ASTN2: variants seen among roughly 807,000 people sequenced by gnomAD.
The protein encoded by ASTN2 is astrotactin 2, also known as astrotactin-2.
Under a neutral mutation model 139.8 loss-of-function variants are expected in ASTN2, and 54 were observed. The observed-to-expected ratio is 0.39, with a 90% CI of 0.31 to 0.48. The LOEUF is 0.48. ASTN2 is among the 20% of genes least tolerant of loss of function. The pLI, the probability that ASTN2 is intolerant of heterozygous loss-of-function variation, is 0.95. For synonymous variants in ASTN2, 756 were observed against 719.5 expected (o/e 1.05, Z -0.81); for missense variants, 1,565 against 1,725.1 (o/e 0.91, Z 1.64).
intron 17 of ASTN2, among the ~76,000 whole-genome samples, chr9:116,632,209 G>GAAAGA: frequency 1.6e-5 from 1 of 61,878 alleles, no homozygotes; most frequent in Non-Finnish European, 3.2e-5. Context: ...AGAAAGAAAA[G>GAAAGA]AAAGAAAGAA....
intron 17 of ASTN2, among the ~76,000 whole-genome samples, chr9:116,623,437 C>A (rs886698425): frequency 6.6e-6 from 1 of 152,134 alleles, no homozygotes; most frequent in African/African-American, 2.4e-5. Context: ...CAGCATCAAA[C>A]AGGGAGTCCT....
At chr9:116,466,037 C>T (rs1404960335) in intron 20 of ASTN2, among the ~76,000 whole-genome samples, 1 of 152,148 alleles carries the variant, frequency 6.6e-6, no homozygotes. Context: ...TTATACTTTG[C>T]AAAGCGTATT....
chr9:117,245,916 C>T (rs998037997), intron 2 of ASTN2, among the ~76,000 whole-genome samples: 6 of 152,082 alleles, frequency 3.9e-5, no homozygotes, highest in Non-Finnish European at 8.8e-5. Context: ...ACATAGAATC[C>T]TGTGTTTCAT....
chr9:116,842,944 AC>A (rs1832307933), intron 11 of ASTN2, among the ~76,000 whole-genome samples: 1 of 152,016 alleles, frequency 6.6e-6, no homozygotes, highest in Admixed American at 6.5e-5. Context: ...GGATCTGGAA[AC>A]CACTTAGGCA....
At chr9:116,629,452 G>A (rs1260648254) in intron 17 of ASTN2, among the ~76,000 whole-genome samples, 2 of 152,030 alleles carry the variant, frequency 1.3e-5, no homozygotes, top group Non-Finnish European at 1.5e-5. Flanking sequence ...GCAAGTGAAA[G>A]GTCAGAGAAG....
chr9:116,492,928 T>C (rs1442043611), intron 19 of ASTN2, among the ~76,000 whole-genome samples: 4 of 152,182 alleles, frequency 2.6e-5, no homozygotes, highest in Non-Finnish European at 4.4e-5. Context: ...CAGTCTTCCA[T>C]ATACTCACAC....
chr9:117,291,595 G>A (rs906003882), intron 1 of ASTN2, 82 bp from the exon 2 acceptor site: 8 of 1,360,622 alleles, frequency 5.9e-6, no homozygotes, highest in South Asian at 1.4e-5. Flanking sequence ...CACATAATCA[G>A]GAGCTCAGAA....
At chr9:117,167,410 A>G (rs1278607280) in intron 3 of ASTN2, among the ~76,000 whole-genome samples, 1 of 152,146 alleles carries the variant, frequency 6.6e-6, no homozygotes, top group Non-Finnish European at 1.5e-5. Flanking sequence ...AGATGATTTG[A>G]ATACATTTCC....
At chr9:116,979,323 A>C (rs182026023) in intron 7 of ASTN2, among the ~76,000 whole-genome samples, 1 of 152,228 alleles carries the variant, frequency 6.6e-6, no homozygotes, top group African/African-American at 2.4e-5. Context: ...GCTTACCTGA[A>C]AAATAAGGAG....
intron 16 of ASTN2, among the ~76,000 whole-genome samples, chr9:116,667,285 A>G (rs1858926438): frequency 6.6e-6 from 1 of 152,136 alleles, no homozygotes; most frequent in Non-Finnish European, 1.5e-5. Flanking sequence ...ACAGACTATG[A>G]AAGATATTTT....
intron 5 of ASTN2, among the ~76,000 whole-genome samples, chr9:117,063,199 C>A (rs1371309959): frequency 6.6e-6 from 1 of 152,134 alleles, no homozygotes; most frequent in African/African-American, 2.4e-5. Context: ...TTCTTAGACA[C>A]AGTTTATAAT....
Position 117,230,185 on chromosome 9 carries a change from G to GGAAAAA in ASTN2, c.631-15444_631-15443insTTTTTC, listed in dbSNP as rs370928845. Among the ~76,000 whole-genome samples the GGAAAAA allele has an allele frequency of 7.9e-4, 110 of 139,260 alleles. 2 individuals carry two copies. In the South Asian group the frequency reaches 0.025, roughly 32 times the overall value. 91.4% of individuals were successfully genotyped at this position (139,260 alleles called of 152,430 possible). A position where few individuals can be genotyped will look rare whatever the true frequency, so the allele number is the denominator to read the frequency against. On this transcript the variant is annotated intron_variant, in intron 2 of 22. Coordinates refer to ENST00000313400, the MANE Select transcript of ASTN2 (RefSeq NM_001365068.1). ...CTGGGTGTGTGAATTTCTTCAGGCT[G>GGAAAAA]AAAAAAAAAAAATCACCCAAACTGA...
intron 7 of ASTN2, among the ~76,000 whole-genome samples, chr9:116,984,263 C>T (rs972756465): frequency 6.6e-6 from 1 of 152,172 alleles, no homozygotes; most frequent in Non-Finnish European, 1.5e-5. Flanking sequence ...TTCTGTGTCC[C>T]TACATCTGAT....
chr9:117,314,408 G>A (rs1828070203), intron 1 of ASTN2, among the ~76,000 whole-genome samples: 2 of 152,070 alleles, frequency 1.3e-5, no homozygotes, highest in South Asian at 4.2e-4. Flanking sequence ...CTTCTCTTGT[G>A]CCAAGATCTA....
intron 14 of ASTN2, among the ~76,000 whole-genome samples, chr9:116,731,087 C>T (rs1828764974): frequency 6.6e-6 from 1 of 151,886 alleles, no homozygotes; most frequent in Non-Finnish European, 1.5e-5. Context: ...TACTCTATCG[C>T]TGACTCTCAT....
chr9:117,405,273 A>G (rs1168530021), intron 1 of ASTN2, among the ~76,000 whole-genome samples: 1 of 152,230 alleles, frequency 6.6e-6, no homozygotes, highest in Non-Finnish European at 1.5e-5. Context: ...AACATAGACT[A>G]TGGAACCAGG....
intron 10 of ASTN2, among the ~76,000 whole-genome samples, chr9:116,959,613 A>G (rs1420803962): frequency 6.6e-6 from 1 of 152,146 alleles, no homozygotes; most frequent in African/African-American, 2.4e-5. Context: ...GGGTCCACAC[A>G]TGCAGACGCT....
At chr9:116,536,629 C>G (rs868064946) in intron 19 of ASTN2, among the ~76,000 whole-genome samples, 2 of 152,194 alleles carry the variant, frequency 1.3e-5, no homozygotes, top group Non-Finnish European at 2.9e-5. Context: ...CACTCCAGAC[C>G]CTGTTTGCCT....
At chr9:117,217,668 C>T (rs1263377019) in intron 2 of ASTN2, among the ~76,000 whole-genome samples, 2 of 152,188 alleles carry the variant, frequency 1.3e-5, no homozygotes, top group Non-Finnish European at 2.9e-5. Context: ...CATAATGCCA[C>T]CTCATTGGGT....
Sources: allele counts gnomAD v4.1 joint callset (sites outside exome capture counted in the v4.1 genomes callset), GRCh38; gene constraint gnomAD v4.1.1; transcripts MANE v1.5; gene names NCBI Gene and HGNC (gene_info 2026-07-23, HGNC 2026-07-21).